TSC22D4: variants seen among roughly 807,000 people sequenced by gnomAD.
The protein encoded by TSC22D4 is TSC22 domain family member 4, also known as TSC22 domain family protein 4.
Under a neutral mutation model 24.9 loss-of-function variants are expected in TSC22D4, and 5 were observed. The observed-to-expected ratio is 0.20, with a 90% CI of 0.10 to 0.42. The LOEUF (loss-of-function observed/expected upper bound fraction) is 0.42, where lower values mean the gene tolerates loss of function less well. TSC22D4 is among the 10% of genes least tolerant of loss of function. The probability of loss-of-function intolerance (pLI) is 1.00; values close to 1 mark genes in which losing one functional copy is unlikely to be tolerated. For missense variants in TSC22D4, 469 were observed against 547.9 expected, an observed-to-expected ratio of 0.86 and a Z score of 1.44; for synonymous variants, 245 against 243.2, an observed-to-expected ratio of 1.01 and a Z score of -0.07.
At position 100,478,956 on chromosome 7, in the gene TSC22D4, C is replaced by T. The variant is rs1395562048; in HGVS notation, c.-432G>A. ...GGGGGCCGCGGCTCATCCTGCCAGG[C>T]ATCTCCGAGGAAAGTTTGCTCTCCG... On this transcript the variant is annotated 5_prime_UTR_variant, in exon 1 of 5. The change abolishes an upstream ATG in the 5' untranslated region. Transcript: ENST00000300181. 6.6e-6 allele frequency: 1 copy of T among 152,354 alleles called. No individual in the cohort carries two copies. Among genetic ancestry groups the T allele is most frequent in the Non-Finnish European group, 1.5e-5 (1 of 68,150 alleles). 9.4% of individuals were successfully genotyped at this position (152,354 alleles called of 1,614,324 possible).
intron 3 of TSC22D4, among the ~76,000 whole-genome samples, chr7:100,471,578 A>G (rs570492052): frequency 6.6e-6 from 1 of 152,174 alleles, no homozygotes; most frequent in East Asian, 1.9e-4. Flanking sequence ...CGTTTCTACT[A>G]AAAATACAAA....
In TSC22D4 at chr7:100,477,883, CG is replaced by C. The variant is rs1799536239; in HGVS notation, c.155del (p.Pro52ArgfsTer24). 1 of 1,545,306 alleles carries C rather than the reference CG, an allele frequency of 6.5e-7. No homozygotes were observed. The highest frequency in any genetic ancestry group is 8.7e-7 in the Non-Finnish European group (1 of 1,144,592). ...CATTCCGGGGGGTGCCCTTGCCCCC[CG>C]GATCGGGGCTGGGCTCCCCATTGGG... ...RLPNGEPSPD[P>X]GGKGTPRNGS... On this transcript the variant is annotated frameshift_variant, in exon 2 of 5. Transcript: ENST00000300181. LOFTEE classifies it high-confidence loss of function. The surrounding 1 kb of genome is among the most constrained non-coding windows in gnomAD (Gnocchi z 7.8).
intron 3 of TSC22D4, among the ~76,000 whole-genome samples, chr7:100,470,345 T>A (rs184620312): frequency 6.6e-6 from 1 of 152,244 alleles, no homozygotes; most frequent in East Asian, 1.9e-4. Context: ...CAGGCTGGAG[T>A]GCAATGGCGG....
At chr7:100,478,537 C>CA (rs1225548461) in intron 1 of TSC22D4, among the ~76,000 whole-genome samples, 2 of 151,952 alleles carry the variant, frequency 1.3e-5, no homozygotes, top group Non-Finnish European at 1.5e-5. Flanking sequence ...AGAAGGCACT[C>CA]AGAGTAGAAA....
rs183128238 is a variant in TSC22D4, at chr7:100,469,129, A to G, written c.930-1529T>C. Among the ~76,000 whole-genome samples the G allele has an allele frequency of 6.3e-4, 95 of 150,810 alleles. 1 individual carries two copies. The East Asian group carries it at 0.014, about 22-fold the overall frequency. ...GTAATCCTAGCTACTCTGGAGGCTG[A>G]GGCAGGAGAATCGCTTGAACCTGGG... is the stretch of plus-strand genomic sequence containing the variant. On this transcript the variant is annotated intron_variant, in intron 3 of 4. Coordinates refer to ENST00000300181, the MANE Select transcript of TSC22D4 (RefSeq NM_030935.5).
At position 100,477,882 on chromosome 7, in the gene TSC22D4, C is replaced by T. The variant is rs773455361; in HGVS notation, c.157G>A (p.Gly53Arg). ...CCATTCCGGGGGGTGCCCTTGCCCCCCGGATCGGGGCTGGGCTCCCCATTG... is the reference window on the plus strand; with the variant it reads ...CCATTCCGGGGGGTGCCCTTGCCCCTCGGATCGGGGCTGGGCTCCCCATTG... ...LPNGEPSPDPGGKGTPRNGSP... is the reference protein window; with the variant it reads ...LPNGEPSPDPRGKGTPRNGSP... Residue 53 changes from glycine to arginine, a missense_variant, in exon 2 of 5, where the codon GGG (glycine) becomes AGG (arginine). By Grantham distance (125) the Gly-to-Arg change is moderately radical. Transcript: ENST00000300181. This position sits in a 1 kb window ranked among gnomAD's most constrained non-coding sequence, Gnocchi z 7.8. 3 of 1,578,102 alleles carry T rather than the reference C, an allele frequency of 1.9e-6. No homozygotes were observed. The highest frequency in any genetic ancestry group is 1.3e-5 in the African/African-American group (1 of 74,296).
rs375366450 is a variant in TSC22D4, at chr7:100,467,595, G to C, written c.935C>G (p.Ser312Cys). Reference sequence around the variant, plus strand: ...GTTGTCAATGCCAACCAGGCTTCCGGAGCCACTGGAGAGACACAGGAAGGT... The same window carrying C: ...GTTGTCAATGCCAACCAGGCTTCCGCAGCCACTGGAGAGACACAGGAAGGT... ...GHLDSDDDSG[S>C]GSLVGIDNKI... The change falls in exon 4 of 5, where the codon TCC becomes TGC. Residue 312 changes from serine to cysteine, a missense_variant. Physicochemically the swap from Ser to Cys is moderately radical, Grantham distance 112. Coordinates refer to ENST00000300181, the MANE Select transcript of TSC22D4 (RefSeq NM_030935.5). 2.5e-5 allele frequency: 40 copies of C among 1,613,966 alleles called. No individual in the cohort carries two copies. The highest frequency in any genetic ancestry group is 9.3e-5 in the African/African-American group (7 of 74,908).
intron 3 of TSC22D4, among the ~76,000 whole-genome samples, chr7:100,472,129 C>T (rs1457865748): frequency 6.6e-6 from 1 of 152,144 alleles, no homozygotes; most frequent in Non-Finnish European, 1.5e-5. Context: ...AACTCCCTCC[C>T]TGTGATCCAG....
intron 3 of TSC22D4, chr7:100,467,963 T>C: frequency 2.0e-6 from 1 of 503,610 alleles, no homozygotes; most frequent in Non-Finnish European, 4.0e-6. Flanking sequence ...AAAGGGTCCT[T>C]AGACACCCCC....
intron 2 of TSC22D4, among the ~76,000 whole-genome samples, chr7:100,476,624 G>A (rs1445294855): frequency 2.0e-5 from 3 of 152,084 alleles, no homozygotes; most frequent in South Asian, 4.1e-4. Context: ...GGTCACCCTC[G>A]AGTTATCAAT....
At position 100,472,982 on chromosome 7, in the gene TSC22D4, CG is replaced by C. The variant is rs878982376; in HGVS notation, c.929+1291del. Among the ~76,000 whole-genome samples, 10 of 152,230 alleles carry C rather than the reference CG, an allele frequency of 6.6e-5. No homozygotes were observed. In the South Asian group the frequency reaches 2.1e-3, roughly 32 times the overall value. On this transcript the variant is annotated intron_variant, in intron 3 of 4. Coordinates refer to ENST00000300181, the MANE Select transcript of TSC22D4 (RefSeq NM_030935.5). ...AGTCCCTCCCCTTGAAAACCTCCCA[CG>C]GGAAGTCCCACTTCTCCCTCCAAAA...
intron 2 of TSC22D4, among the ~76,000 whole-genome samples, chr7:100,476,695 C>G (rs1196166442): frequency 1.3e-5 from 2 of 152,168 alleles, no homozygotes; most frequent in Non-Finnish European, 2.9e-5. Context: ...ATGGATCAAC[C>G]AGCAGGCCCC....
chr7:100,471,597 G>A (rs1478418115), intron 3 of TSC22D4, among the ~76,000 whole-genome samples: 8 of 152,002 alleles, frequency 5.3e-5, no homozygotes, highest in African/African-American at 1.5e-4. Context: ...AAAATTAGCC[G>A]GGCATGGTGG....
In TSC22D4 at chr7:100,477,836, G is replaced by A. The variant is rs777247706; in HGVS notation, c.203C>T (p.Pro68Leu). The A allele has an allele frequency of 1.1e-4, 184 of 1,602,050 alleles. No homozygotes were observed. The highest frequency in any genetic ancestry group is 1.5e-4 in the Non-Finnish European group (175 of 1,176,818). The change falls in exon 2 of 5, where the codon CCT (proline) becomes CTT (leucine). Residue 68 changes from proline (P) to leucine (L), a missense_variant. By Grantham distance (98) the Pro-to-Leu change is moderately conservative. Transcript: ENST00000300181. The surrounding 1 kb of genome is among the most constrained non-coding windows in gnomAD (Gnocchi z 7.8). ...PRNGSPPPGA[P>L]SSRFRVVKLP... ...CTTCACCACCCGGAAACGGGAGGAA[G>A]GGGCCCCAGGTGGTGGGGAGCCATT...
Position 100,477,196 on chromosome 7 carries a change from A to AG in TSC22D4, c.762+80dup, listed in dbSNP as rs987348926. The AG allele has an allele frequency of 2.5e-4, 196 of 775,528 alleles. No homozygotes were observed. Among genetic ancestry groups the AG allele is most frequent in the Non-Finnish European group, 1.4e-4 (80 of 574,622 alleles). 48.0% of individuals were successfully genotyped at this position (775,528 alleles called of 1,614,324 possible). ...TAAAGTGATGGAGAAGGAGGAGGAGAGGGGGGGGAGGAGGAGGAAGGAGGC... is the reference window on the plus strand; with the variant it reads ...TAAAGTGATGGAGAAGGAGGAGGAGAGGGGGGGGGAGGAGGAGGAAGGAGGC... On this transcript the variant is annotated intron_variant, in intron 2 of 4. Transcript: ENST00000300181. The surrounding 1 kb of genome is among the most constrained non-coding windows in gnomAD (Gnocchi z 7.8).
At position 100,467,571 on chromosome 7, in the gene TSC22D4, T is replaced by C. The variant is rs758083700; in HGVS notation, c.959A>G (p.Asn320Ser). Residue 320 changes from asparagine (N) to serine (S), a missense_variant, in exon 4 of 5, where the codon AAC (asparagine) becomes AGC (serine). By Grantham distance (46) the Asn-to-Ser change is conservative. Transcript: ENST00000300181. ...SGSGSLVGID[N>S]KIEQAMDLVK... ...TCTTACCATGGCTTGCTCGATTTTG[T>C]TGTCAATGCCAACCAGGCTTCCGGA... is the stretch of plus-strand genomic sequence containing the variant. 30 of 1,613,936 alleles carry C rather than the reference T, an allele frequency of 1.9e-5. No homozygotes were observed. The highest frequency in any genetic ancestry group is 2.5e-5 in the Non-Finnish European group (29 of 1,179,970).
At chr7:100,471,221 G>T (rs1341341248) in intron 3 of TSC22D4, among the ~76,000 whole-genome samples, 1 of 151,806 alleles carries the variant, frequency 6.6e-6, no homozygotes, top group African/African-American at 2.4e-5. Flanking sequence ...GCGGGGCTGG[G>T]GAGGTCGGGG....
In TSC22D4 at chr7:100,474,440, C is replaced by T. The variant is rs774586848; in HGVS notation, c.763G>A (p.Val255Met). Residue 255 changes from valine (V) to methionine (M), a missense_variant and splice_region_variant, in exon 3 of 5, where the codon GTG (valine) becomes ATG (methionine). By Grantham distance (21) the Val-to-Met change is conservative. Transcript: ENST00000300181. This position sits in a 1 kb window ranked among gnomAD's most constrained non-coding sequence, Gnocchi z 4.3. ...CTGGGGCGAGAGTCAAGTGGGGGCA[C>T]CTGGAGGCGGAGAGGTAGGAACCAT... ...ELGAPEEMGQVPPLDSRPSSP... is the reference protein window; with the variant it reads ...ELGAPEEMGQMPPLDSRPSSP... 3.7e-6 allele frequency: 6 copies of T among 1,613,778 alleles called. No homozygotes were observed. The South Asian group carries it at 4.4e-5, about 12-fold the overall frequency.
At chr7:100,467,321 C>A in intron 4 of TSC22D4, 153 bp from the exon 5 acceptor site, 1 of 915,648 alleles carries the variant, frequency 1.1e-6, no homozygotes, top group South Asian at 1.5e-5. Flanking sequence ...GGGACAGAGG[C>A]AGAGTCAGGG....
Sources: allele counts gnomAD v4.1 joint callset (sites outside exome capture counted in the v4.1 genomes callset), GRCh38; gene constraint gnomAD v4.1.1; non-coding constraint Gnocchi (gnomAD v3.1); transcripts MANE v1.5; gene names NCBI Gene and HGNC (gene_info 2026-07-23, HGNC 2026-07-21).